HIVEP3: variants seen among roughly 807,000 people sequenced by gnomAD.
HIVEP3 encodes the protein HIVEP zinc finger 3, also known as transcription factor HIVEP3.
HIVEP3 carries 49 observed loss-of-function variants against 152.8 expected under a neutral mutation model. The observed-to-expected ratio is 0.32, with a 90% confidence interval of 0.26 to 0.41. HIVEP3 has a LOEUF of 0.41. HIVEP3 is among the 10% of genes least tolerant of loss of function. The probability of loss-of-function intolerance (pLI) is 1.00; values close to 1 mark genes in which losing one functional copy is unlikely to be tolerated. For synonymous variants in HIVEP3, 1,269 were observed against 1,289.0 expected (o/e 0.98, Z 0.33); for missense variants, 2,790 against 3,103.3 (o/e 0.90, Z 2.40).
At chr1:41,663,241 A>T (rs1297891895) in intron 2 of HIVEP3, among the ~76,000 whole-genome samples, 1 of 152,210 alleles carries the variant, frequency 6.6e-6, no homozygotes, top group African/African-American at 2.4e-5. Context: ...CCTCTGCCAC[A>T]GTGGAACCAG....
chr1:41,583,541 A>C lies in HIVEP3; in HGVS notation c.1257T>G (p.Phe419Leu). 1 of 1,614,054 alleles carries C rather than the reference A, an allele frequency of 6.2e-7. No homozygotes were observed. The highest frequency in any genetic ancestry group is 1.3e-5 in the African/African-American group (1 of 74,994). ...GCTGTCCTATTCGCCCACACTTGCC[A>C]AAGATGATCTCAGCGTAGGACTTGG... is the stretch of plus-strand genomic sequence containing the variant. ...TNAKSYAEIIFGKCGRIGQRT... is the reference protein window; with the variant it reads ...TNAKSYAEIILGKCGRIGQRT... Residue 419 changes from phenylalanine to leucine, a missense_variant, in exon 4 of 9, where the codon TTT becomes TTG. Physicochemically the swap from Phe to Leu is conservative, Grantham distance 22. Around this residue, in one of 9 missense-constraint regions of HIVEP3, gnomAD observed 134 missense variants for 242.5 expected, o/e 0.55. Coordinates refer to ENST00000372583, the MANE Select transcript of HIVEP3 (RefSeq NM_024503.5). The surrounding 1 kb of genome is among the most constrained non-coding windows in gnomAD (Gnocchi z 6.9).
At chr1:41,812,809 G>C (rs542962682) in intron 1 of HIVEP3, among the ~76,000 whole-genome samples, 8 of 151,014 alleles carry the variant, frequency 5.3e-5, no homozygotes, top group Non-Finnish European at 1.0e-4. Flanking sequence ...CTCCTCCTTG[G>C]GGGTGGGGGG....
intron 2 of HIVEP3, among the ~76,000 whole-genome samples, chr1:41,647,151 C>T (rs114526184): frequency 0.019 from 2,927 of 152,318 alleles, 48 homozygotes; most frequent in Non-Finnish European, 0.029. Flanking sequence ...ATCTTAATTC[C>T]ATCTGCTACC....
intron 5 of HIVEP3, among the ~76,000 whole-genome samples, chr1:41,562,483 C>T (rs1644080842): frequency 6.6e-6 from 1 of 152,098 alleles, no homozygotes; most frequent in African/African-American, 2.4e-5. Flanking sequence ...TTTCTTTTCC[C>T]TTTCCTTCCC....
chr1:41,877,359 T>G (rs1212336373), intron 1 of HIVEP3, among the ~76,000 whole-genome samples: 2 of 152,236 alleles, frequency 1.3e-5, no homozygotes, highest in Non-Finnish European at 2.9e-5. Flanking sequence ...GCTGTGATAT[T>G]TCTGAGTTTG....
chr1:41,528,213 C>T (rs1465437190), intron 5 of HIVEP3, among the ~76,000 whole-genome samples: 2 of 136,404 alleles, frequency 1.5e-5, no homozygotes, highest in Admixed American at 7.2e-5. Flanking sequence ...GCCCTCACAC[C>T]TTCACACTCC....
At chr1:41,934,547 TC>T (rs1323898522) in intron 1 of HIVEP3, among the ~76,000 whole-genome samples, 1 of 152,146 alleles carries the variant, frequency 6.6e-6, no homozygotes, top group African/African-American at 2.4e-5. Context: ...AAACTAGAAG[TC>T]TACCTTCTTA....
intron 1 of HIVEP3, among the ~76,000 whole-genome samples, chr1:41,818,132 C>A (rs1478426092): frequency 6.6e-6 from 1 of 152,098 alleles, no homozygotes; most frequent in African/African-American, 2.4e-5. Context: ...CAGAAAAGGA[C>A]AGGAAACTCA....
At chr1:41,595,404 A>T (rs1644650281) in intron 3 of HIVEP3, among the ~76,000 whole-genome samples, 1 of 152,032 alleles carries the variant, frequency 6.6e-6, no homozygotes, top group Non-Finnish European at 1.5e-5. Flanking sequence ...CTCTCTCTCC[A>T]TCCTGCTCTT....
intron 2 of HIVEP3, among the ~76,000 whole-genome samples, chr1:41,649,741 C>T (rs976676236): frequency 5.3e-5 from 8 of 152,034 alleles, no homozygotes; most frequent in African/African-American, 1.7e-4. Context: ...AGACGGAGTC[C>T]CCTGGGGATG....
chr1:41,930,918 C>G (rs1336187751), intron 1 of HIVEP3, among the ~76,000 whole-genome samples: 2 of 151,998 alleles, frequency 1.3e-5, no homozygotes. Context: ...CCATCATATG[C>G]TTTCTTTGGT....
At chr1:41,606,195 T>C (rs954708645) in intron 3 of HIVEP3, among the ~76,000 whole-genome samples, 1 of 151,946 alleles carries the variant, frequency 6.6e-6, no homozygotes, top group Non-Finnish European at 1.5e-5. Flanking sequence ...TTTTTGGTGG[T>C]TACCAATTTT....
chr1:41,947,646 A>C (rs1645082627), intron 1 of HIVEP3, among the ~76,000 whole-genome samples: 1 of 152,252 alleles, frequency 6.6e-6, no homozygotes, highest in Non-Finnish European at 1.5e-5. Context: ...CCCAGTGTTA[A>C]GCTTGCTAAT....
chr1:41,844,288 T>C (rs992745621), intron 1 of HIVEP3, among the ~76,000 whole-genome samples: 1 of 152,184 alleles, frequency 6.6e-6, no homozygotes, highest in African/African-American at 2.4e-5. Flanking sequence ...AAGAACGCAA[T>C]GAACAGTGCT....
At chr1:41,531,236 AGAGATGGAGGACAGGG>A (rs1643237944) in intron 5 of HIVEP3, among the ~76,000 whole-genome samples, 1 of 98,606 alleles carries the variant, frequency 1.0e-5, no homozygotes, top group African/African-American at 3.5e-5. Flanking sequence ...GGAGAACAGG[AGAGATGGAGGACAGGG>A]GAGATGGAGG....
At chr1:41,601,793 G>A (rs944038216) in intron 3 of HIVEP3, among the ~76,000 whole-genome samples, 2 of 152,236 alleles carry the variant, frequency 1.3e-5, no homozygotes, top group East Asian at 3.9e-4. Context: ...TGGCAAGCAA[G>A]GGCATTCTTG....
intron 2 of HIVEP3, among the ~76,000 whole-genome samples, chr1:41,691,609 C>T (rs886589960): frequency 6.6e-6 from 1 of 152,218 alleles, no homozygotes; most frequent in African/African-American, 2.4e-5. Context: ...ATGAATCAGA[C>T]AGTAGAGCCT....
intron 1 of HIVEP3, among the ~76,000 whole-genome samples, chr1:41,885,729 C>G (rs1644335422): frequency 6.7e-6 from 1 of 149,860 alleles, no homozygotes; most frequent in Non-Finnish European, 1.5e-5. Flanking sequence ...TTCCCTTCCC[C>G]CTCCTCTTCC....
intron 3 of HIVEP3, among the ~76,000 whole-genome samples, chr1:41,589,410 G>T (rs1644553783): frequency 6.6e-6 from 1 of 152,224 alleles, no homozygotes; most frequent in Non-Finnish European, 1.5e-5. Context: ...AAGGAGATCG[G>T]GACTTGCTGG....
Sources: allele counts gnomAD v4.1 joint callset (sites outside exome capture counted in the v4.1 genomes callset), GRCh38; gene constraint gnomAD v4.1.1; regional missense constraint gnomAD v4.1.1; non-coding constraint Gnocchi (gnomAD v3.1); transcripts MANE v1.5; gene names NCBI Gene and HGNC (gene_info 2026-07-23, HGNC 2026-07-21).